The following NOX4 variants were observed in gnomAD, a reference collection of about 807,000 sequenced individuals.
NOX4 encodes the protein NADPH oxidase 4.
Under a neutral mutation model 87.6 loss-of-function variants are expected in NOX4, and 69 were observed. The ratio of observed to expected loss-of-function variants is 0.79; its 90% CI spans 0.65 to 0.96. The LOEUF is 0.96. Ranked by LOEUF, NOX4 falls within the 40% of genes least tolerant of loss-of-function variation. NOX4 has a pLI of 0.00. For missense variants in NOX4, 680 were observed against 681.5 expected (o/e 1.00, Z 0.02); for synonymous variants, 275 against 238.2 (o/e 1.15, Z -1.42).
chr11:89,429,792 C>T (rs556969050), intron 7 of NOX4, among the ~76,000 whole-genome samples: 188 of 152,266 alleles, frequency 1.2e-3, no homozygotes, highest in South Asian at 9.1e-3. Context: ...GGAGCTCATA[C>T]CATTCCTTCT....
chr11:89,382,071 C>T (rs1424077126), intron 11 of NOX4, among the ~76,000 whole-genome samples: 1 of 152,148 alleles, frequency 6.6e-6, no homozygotes, highest in Non-Finnish European at 1.5e-5. Context: ...ACCCACGTTT[C>T]AGAGGTGTCT....
intron 7 of NOX4, among the ~76,000 whole-genome samples, chr11:89,428,723 T>C (rs1013341273): frequency 1.3e-5 from 2 of 152,118 alleles, no homozygotes; most frequent in Non-Finnish European, 1.5e-5. Flanking sequence ...AGCAAGTCCT[T>C]AGAGACCTAC....
the NOX4 span, among the ~76,000 whole-genome samples, chr11:89,532,809 G>A: frequency 6.6e-6 from 1 of 152,000 alleles, no homozygotes; most frequent in Non-Finnish European, 1.5e-5. Flanking sequence ...TCATGGAAGT[G>A]GTCTCTTCCA....
At position 89,324,863 on chromosome 11, in the gene NOX4, C is replaced by G. The variant is rs924433259; in HGVS notation, c.*1893G>C. 2.0e-5 allele frequency: 3 copies of G among 151,986 alleles called. No individual in the cohort carries two copies. The highest frequency in any genetic ancestry group is 7.3e-5 in the African/African-American group (3 of 41,362). 9.4% of individuals were successfully genotyped at this position (151,986 alleles called of 1,614,324 possible). A position where few individuals can be genotyped will look rare whatever the true frequency, so the allele number is the denominator to read the frequency against. The stretch of plus-strand genomic sequence containing the variant: ...TCACTTTTTTGGGTTCATCTTCTTT[C>G]CATAGAAAGGAGAATTTCAAGGAAA... On this transcript the variant is annotated 3_prime_UTR_variant, in exon 18 of 18. Coordinates refer to ENST00000263317, the MANE Select transcript of NOX4 (RefSeq NM_016931.5).
At chr11:89,513,643 C>A in the NOX4 span, among the ~76,000 whole-genome samples, 1 of 151,978 alleles carries the variant, frequency 6.6e-6, no homozygotes, top group Non-Finnish European at 1.5e-5. Flanking sequence ...TCTAGAGAAC[C>A]CTGACTAATA....
chr11:89,507,855 A>G, the NOX4 span, among the ~76,000 whole-genome samples: 1 of 151,858 alleles, frequency 6.6e-6, no homozygotes, highest in Admixed American at 6.6e-5. Flanking sequence ...ATGGGCCTTT[A>G]AAAACGTAAG....
At chr11:89,518,432 A>T in the NOX4 span, among the ~76,000 whole-genome samples, 1 of 152,184 alleles carries the variant, frequency 6.6e-6, no homozygotes, top group Non-Finnish European at 1.5e-5. Flanking sequence ...CAAGAAAAAC[A>T]TGATCAGAAT....
chr11:89,388,618 A>G (rs1940889975), intron 11 of NOX4, among the ~76,000 whole-genome samples: 1 of 152,130 alleles, frequency 6.6e-6, no homozygotes, highest in African/African-American at 2.4e-5. Flanking sequence ...GCTGCATGCA[A>G]TATGCCTGCC....
At chr11:89,400,466 CA>C in intron 9 of NOX4, 87 bp from the exon 10 acceptor site, 1 of 787,962 alleles carries the variant, frequency 1.3e-6, no homozygotes, top group Non-Finnish European at 1.8e-6. Context: ...GCATACATTA[CA>C]GTAATAGTAT....
At chr11:89,432,095 G>T (rs917181498) in intron 7 of NOX4, among the ~76,000 whole-genome samples, 2 of 150,860 alleles carry the variant, frequency 1.3e-5, no homozygotes, top group East Asian at 1.9e-4. Context: ...GCAAACTATC[G>T]CAAGGACAAA....
chr11:89,436,589 C>G (rs1944091393), intron 6 of NOX4, among the ~76,000 whole-genome samples: 1 of 152,030 alleles, frequency 6.6e-6, no homozygotes, highest in Non-Finnish European at 1.5e-5. Flanking sequence ...TGAATAATTG[C>G]ATGACATTGT....
intron 6 of NOX4, among the ~76,000 whole-genome samples, chr11:89,434,360 C>A (rs1943973341): frequency 6.6e-6 from 1 of 152,024 alleles, no homozygotes; most frequent in Non-Finnish European, 1.5e-5. Context: ...GTTTTAGAAG[C>A]CTAACAAAAG....
At chr11:89,546,249 G>C in the NOX4 span, among the ~76,000 whole-genome samples, 1 of 152,006 alleles carries the variant, frequency 6.6e-6, no homozygotes, top group African/African-American at 2.4e-5. Context: ...TCCAGGCACT[G>C]TGTTTGGTGA....
chr11:89,359,743 T>A, intron 12 of NOX4, among the ~76,000 whole-genome samples: 1 of 152,108 alleles, frequency 6.6e-6, no homozygotes, highest in Non-Finnish European at 1.5e-5. Flanking sequence ...CTTCCCTAAC[T>A]GCCTCTCTAT....
intron 2 of NOX4, among the ~76,000 whole-genome samples, chr11:89,460,166 T>C (rs1302056023): frequency 1.3e-5 from 2 of 152,136 alleles, no homozygotes; most frequent in Admixed American, 1.3e-4. Context: ...TAATTCAAGA[T>C]GGATTAAAGA....
chr11:89,514,402 C>A, the NOX4 span, among the ~76,000 whole-genome samples: 1 of 151,740 alleles, frequency 6.6e-6, no homozygotes. Flanking sequence ...TTCACAGATG[C>A]CTTAGGATTT....
intron 4 of NOX4, among the ~76,000 whole-genome samples, chr11:89,449,216 C>T (rs113855300): frequency 0.014 from 2,126 of 152,226 alleles, 52 homozygotes; most frequent in African/African-American, 0.049. Context: ...TGTAATTTTA[C>T]GTGTGGTTTA....
the NOX4 span, among the ~76,000 whole-genome samples, chr11:89,554,330 A>G: frequency 2.0e-5 from 3 of 152,184 alleles, no homozygotes; most frequent in East Asian, 3.9e-4. Context: ...TCACATATGT[A>G]TTTTTGAGTT....
the NOX4 span, among the ~76,000 whole-genome samples, chr11:89,519,168 A>C: frequency 6.6e-6 from 1 of 152,122 alleles, no homozygotes; most frequent in East Asian, 1.9e-4. Flanking sequence ...GAGAAGTGCT[A>C]TGTTTGAAGC....
Sources: gnomAD v4.1 joint callset for allele counts (sites outside exome capture counted in the v4.1 genomes callset) on GRCh38, gnomAD v4.1.1 for gene constraint, MANE v1.5 for transcripts, NCBI Gene and HGNC (gene_info 2026-07-23, HGNC 2026-07-21) for gene names.